FBXO15: variants seen among roughly 807,000 people sequenced by gnomAD.
The protein encoded by FBXO15 is F-box protein 15.
Under a neutral mutation model 49.5 loss-of-function variants are expected in FBXO15, and 30 were observed. The ratio of observed to expected loss-of-function variants is 0.61; its 90% CI spans 0.45 to 0.82. FBXO15 has a LOEUF of 0.82. Ranked by LOEUF, FBXO15 falls within the 40% of genes least tolerant of loss-of-function variation. The pLI, the probability that FBXO15 is intolerant of heterozygous loss-of-function variation, is 0.00. For missense variants in FBXO15, 591 were observed against 631.5 expected, an observed-to-expected ratio of 0.94 and a Z score of 0.69; for synonymous variants, 250 against 232.7, an observed-to-expected ratio of 1.07 and a Z score of -0.68.
chr18:74,126,217 C>A, intron 5 of FBXO15, 116 bp from the exon 6 acceptor site: 3 of 1,370,816 alleles, frequency 2.2e-6, no homozygotes, highest in Non-Finnish European at 3.0e-6. Flanking sequence ...ATGATGTGCT[C>A]AAACTAAGTG....
intron 8 of FBXO15, among the ~76,000 whole-genome samples, chr18:74,120,175 A>G (rs145057161): frequency 1.1e-3 from 171 of 152,348 alleles, no homozygotes; most frequent in African/African-American, 3.7e-3. Context: ...AGTGTTCATG[A>G]ATATAACAGA....
intron 8 of FBXO15, among the ~76,000 whole-genome samples, chr18:74,088,671 G>T (rs544811279): frequency 6.6e-6 from 1 of 152,262 alleles, no homozygotes; most frequent in Admixed American, 6.5e-5. Flanking sequence ...GCTTAGGATT[G>T]CCTTGACTAT....
rs566720258 is a variant in FBXO15, at chr18:74,074,295, C to T, written c.1264-565G>A. Among the ~76,000 whole-genome samples, 11 of 152,306 alleles carry T rather than the reference C, an allele frequency of 7.2e-5. No homozygotes were observed. The East Asian group carries it at 1.9e-3, about 27-fold the overall frequency. ...CTCATTTCCAGGACTCTGGCACCAGCCCTGCTGTCTGCCTCTCCCTCTCAC... is the reference window on the plus strand; with the variant it reads ...CTCATTTCCAGGACTCTGGCACCAGTCCTGCTGTCTGCCTCTCCCTCTCAC... On this transcript the variant is annotated intron_variant, in intron 9 of 9. Coordinates refer to ENST00000419743, the MANE Select transcript of FBXO15 (RefSeq NM_001142958.2). The surrounding 1 kb of genome is among the most constrained non-coding windows in gnomAD (Gnocchi z 4.7).
intron 8 of FBXO15, among the ~76,000 whole-genome samples, chr18:74,117,025 A>G (rs1030598939): frequency 1.3e-5 from 2 of 152,142 alleles, no homozygotes; most frequent in African/African-American, 4.8e-5. Context: ...GGGCAAAGTG[A>G]TTTATACCCA....
chr18:74,132,175 G>C (rs1331947517), intron 3 of FBXO15, among the ~76,000 whole-genome samples: 2 of 152,228 alleles, frequency 1.3e-5, no homozygotes, highest in African/African-American at 4.8e-5. Flanking sequence ...GCAATGCGAT[G>C]ATGAGTTGAG....
intron 8 of FBXO15, among the ~76,000 whole-genome samples, chr18:74,082,517 T>C (rs1392365937): frequency 6.6e-6 from 1 of 152,146 alleles, no homozygotes; most frequent in Non-Finnish European, 1.5e-5. Flanking sequence ...AACCAACACC[T>C]CTGCACATGC....
intron 1 of FBXO15, among the ~76,000 whole-genome samples, chr18:74,143,342 A>G (rs1183434158): frequency 6.6e-6 from 1 of 152,192 alleles, no homozygotes; most frequent in East Asian, 1.9e-4. Flanking sequence ...TGATGGATCA[A>G]TTTTAATCTA....
At chr18:74,138,736 C>G (rs1978880392) in intron 2 of FBXO15, among the ~76,000 whole-genome samples, 1 of 152,112 alleles carries the variant, frequency 6.6e-6, no homozygotes, top group Non-Finnish European at 1.5e-5. Context: ...TCCGCCCTGA[C>G]CCCACCTCTC....
intron 8 of FBXO15, among the ~76,000 whole-genome samples, chr18:74,122,149 C>T (rs927408047): frequency 9.9e-5 from 15 of 152,098 alleles, no homozygotes; most frequent in Admixed American, 7.2e-4. Context: ...TTCCTTCCAC[C>T]GATCACCTAC....
intron 9 of FBXO15, chr18:74,076,348 G>A (rs1912257796): frequency 6.6e-6 from 1 of 152,222 alleles, no homozygotes; most frequent in African/African-American, 2.4e-5. Context: ...GAGGTGATTA[G>A]GTCACGGGGG....
Position 74,126,023 on chromosome 18 carries a change from G to A in FBXO15, c.864C>T (p.Leu288=), listed in dbSNP as rs1914693371. 2.5e-6 allele frequency: 4 copies of A among 1,613,990 alleles called. No individual in the cohort carries two copies. Among genetic ancestry groups the A allele is most frequent in the Non-Finnish European group, 3.4e-6 (4 of 1,180,002 alleles). ...CAGGGTGCAGGCAGAAGATCCGAAT[G>A]AGTCTGTCACAGCCAATCATGGTAG... ...TISTMIGCDR[L]IRIFCLHPGL... Residue 288 remains leucine, a synonymous_variant, in exon 6 of 10, where the codon CTC becomes CTT. Coordinates refer to ENST00000419743, the MANE Select transcript of FBXO15 (RefSeq NM_001142958.2).
chr18:74,130,312 A>C, intron 4 of FBXO15, 104 bp downstream of exon 4: 1 of 1,451,526 alleles, frequency 6.9e-7, no homozygotes, highest in Non-Finnish European at 9.3e-7. Context: ...CAAAACACAC[A>C]AAAATACTAG....
chr18:74,093,420 T>C (rs1913143498), intron 8 of FBXO15, among the ~76,000 whole-genome samples: 1 of 152,118 alleles, frequency 6.6e-6, no homozygotes, highest in African/African-American at 2.4e-5. Context: ...GGAGCTATGA[T>C]GTGGGTCCAA....
At chr18:74,126,470 G>A (rs1289814268) in intron 5 of FBXO15, among the ~76,000 whole-genome samples, 14 of 152,196 alleles carry the variant, frequency 9.2e-5, no homozygotes, top group Admixed American at 9.2e-4. Context: ...CTAGTCAAGT[G>A]AGTAAAACAA....
intron 8 of FBXO15, among the ~76,000 whole-genome samples, chr18:74,118,225 C>G (rs1914316366): frequency 6.6e-6 from 1 of 151,950 alleles, no homozygotes; most frequent in Admixed American, 6.6e-5. Flanking sequence ...TCTGGAACTT[C>G]TGGGCTGAAG....
intron 5 of FBXO15, among the ~76,000 whole-genome samples, chr18:74,127,374 G>A (rs1435312800): frequency 2.0e-5 from 3 of 152,228 alleles, no homozygotes; most frequent in African/African-American, 7.2e-5. Context: ...AATTTAGGGT[G>A]GGACAGCACA....
rs17088760 is a variant in FBXO15, at chr18:74,080,218, T to C, written c.1263+1709A>G. Among the ~76,000 whole-genome samples, 1,082 of 152,306 alleles carry C rather than the reference T, an allele frequency of 7.1e-3. 9 individuals are homozygous for C. The highest frequency in any genetic ancestry group is 0.024 in the African/African-American group (1,006 of 41,560). ...GGGTGATCAGATTCCTGGAGAGAAATACCTGAGCTGCACAGCAAATACAAG... is the reference window on the plus strand; with the variant it reads ...GGGTGATCAGATTCCTGGAGAGAAACACCTGAGCTGCACAGCAAATACAAG... On this transcript the variant is annotated intron_variant, in intron 9 of 9. Transcript: ENST00000419743.
chr18:74,073,804 G>C (rs1912144311), intron 9 of FBXO15, 74 bp from the exon 10 acceptor site: 2 of 1,520,018 alleles, frequency 1.3e-6, no homozygotes, highest in Non-Finnish European at 1.8e-6. Flanking sequence ...TCGTGACTCT[G>C]TAAAACTCAC....
intron 1 of FBXO15, among the ~76,000 whole-genome samples, chr18:74,143,133 T>C (rs993726965): frequency 1.3e-5 from 2 of 152,168 alleles, no homozygotes; most frequent in Non-Finnish European, 2.9e-5. Context: ...CTAAGCATCA[T>C]ATGAATAATT....
Sources: gnomAD v4.1 joint callset for allele counts (sites outside exome capture counted in the v4.1 genomes callset) on GRCh38, gnomAD v4.1.1 for gene constraint, Gnocchi (gnomAD v3.1) non-coding constraint, MANE v1.5 for transcripts, NCBI Gene and HGNC (gene_info 2026-07-23, HGNC 2026-07-21) for gene names.